Variants in RIMS1 observed in about 807,000 individuals in gnomAD.
The protein encoded by RIMS1 is regulating synaptic membrane exocytosis protein 1.
In RIMS1, 83 loss-of-function variants were observed where a neutral mutation model predicts 214.1. The observed-to-expected ratio is 0.39, with a 90% CI of 0.32 to 0.47. The LOEUF (loss-of-function observed/expected upper bound fraction) is 0.47, where lower values mean the gene tolerates loss of function less well. Among genes scored for constraint, RIMS1 ranks in the 20% least tolerant of loss-of-function variants. The pLI is 0.99. For synonymous variants in RIMS1, 793 were observed against 786.8 expected, an observed-to-expected ratio of 1.01 and a Z score of -0.13; for missense variants, 2,050 against 2,161.8, an observed-to-expected ratio of 0.95 and a Z score of 1.03.
chr6:72,320,355 T>C (rs1244658223), intron 28 of RIMS1, among the ~76,000 whole-genome samples: 2 of 152,128 alleles, frequency 1.3e-5, no homozygotes, highest in Non-Finnish European at 2.9e-5. Context: ...CTAGTATTTG[T>C]TTAGTACAAC....
At chr6:71,914,514 T>A (rs553221213) in intron 1 of RIMS1, among the ~76,000 whole-genome samples, 1 of 152,302 alleles carries the variant, frequency 6.6e-6, no homozygotes, top group African/African-American at 2.4e-5. Flanking sequence ...AATATCTAAT[T>A]TTAATGATAA....
At chr6:72,023,100 T>G (rs1407332918) in intron 2 of RIMS1, among the ~76,000 whole-genome samples, 1 of 152,156 alleles carries the variant, frequency 6.6e-6, no homozygotes, top group African/African-American at 2.4e-5. Flanking sequence ...TTATTTTGCT[T>G]TCTACAGAGA....
intron 26 of RIMS1, among the ~76,000 whole-genome samples, chr6:72,302,543 A>G (rs950763364): frequency 1.3e-5 from 2 of 151,278 alleles, no homozygotes; most frequent in Non-Finnish European, 3.0e-5. Flanking sequence ...GAGGTGTGTC[A>G]TTTATATTCT....
At chr6:72,005,411 G>A (rs1807114768) in intron 2 of RIMS1, among the ~76,000 whole-genome samples, 1 of 152,180 alleles carries the variant, frequency 6.6e-6, no homozygotes, top group Non-Finnish European at 1.5e-5. Context: ...TGTGAAGAAA[G>A]TCATTGGTAG....
intron 29 of RIMS1, among the ~76,000 whole-genome samples, chr6:72,335,892 C>T (rs993172793): frequency 1.3e-5 from 2 of 151,750 alleles, no homozygotes; most frequent in Non-Finnish European, 2.9e-5. Flanking sequence ...AGTGTTTGTT[C>T]ATATTCTTTG....
chr6:71,915,915 G>A (rs916951908), intron 1 of RIMS1, among the ~76,000 whole-genome samples: 1 of 151,904 alleles, frequency 6.6e-6, no homozygotes, highest in East Asian at 1.9e-4. Flanking sequence ...GTGTGTGCAG[G>A]GGAACTCTCC....
intron 4 of RIMS1, among the ~76,000 whole-genome samples, chr6:72,104,961 GTCTC>G (rs1410960508): frequency 1.3e-5 from 2 of 152,088 alleles, no homozygotes; most frequent in African/African-American, 2.4e-5. Flanking sequence ...TTGAGACAGA[GTCTC>G]TATCACACAG....
At chr6:72,242,933 A>G (rs2067599986) in intron 10 of RIMS1, among the ~76,000 whole-genome samples, 1 of 151,826 alleles carries the variant, frequency 6.6e-6, no homozygotes, top group African/African-American at 2.4e-5. Context: ...AAGAAGTATT[A>G]AATATTTTAA....
At chr6:71,944,998 G>A (rs1787348822) in intron 1 of RIMS1, among the ~76,000 whole-genome samples, 1 of 152,136 alleles carries the variant, frequency 6.6e-6, no homozygotes, top group African/African-American at 2.4e-5. Flanking sequence ...TAACATCTAT[G>A]TTTTCCTGAG....
chr6:72,099,087 G>A (rs535326815), intron 3 of RIMS1, among the ~76,000 whole-genome samples: 3 of 152,332 alleles, frequency 2.0e-5, no homozygotes, highest in African/African-American at 7.2e-5. Context: ...ACAATGAGGC[G>A]CAGATCAGCT....
At chr6:72,296,143 A>G (rs1052034767) in intron 26 of RIMS1, among the ~76,000 whole-genome samples, 1 of 151,822 alleles carries the variant, frequency 6.6e-6, no homozygotes, top group Non-Finnish European at 1.5e-5. Context: ...TGTTCACATC[A>G]AAGAAGAGAA....
At chr6:72,377,182 A>T (rs2098405128) in intron 29 of RIMS1, among the ~76,000 whole-genome samples, 1 of 152,120 alleles carries the variant, frequency 6.6e-6, no homozygotes, top group Non-Finnish European at 1.5e-5. Context: ...CTCCTGCTGA[A>T]ACCTGTCACC....
chr6:72,227,414 AG>A (rs2060516570), intron 6 of RIMS1, among the ~76,000 whole-genome samples: 2 of 56,064 alleles, frequency 3.6e-5, no homozygotes, highest in Admixed American at 4.7e-4. Context: ...CAGAAGAAAG[AG>A]GGGTTCTATG....
chr6:72,192,275 G>C (rs575421971), intron 6 of RIMS1, among the ~76,000 whole-genome samples: 1 of 152,286 alleles, frequency 6.6e-6, no homozygotes, highest in African/African-American at 2.4e-5. Context: ...GCCAGTGTCT[G>C]GTAGTTCCTG....
chr6:72,258,439 T>C (rs1329402950), intron 17 of RIMS1, among the ~76,000 whole-genome samples, 158 bp downstream of exon 17: 1 of 152,186 alleles, frequency 6.6e-6, no homozygotes, highest in African/African-American at 2.4e-5. Context: ...TTATCCAACC[T>C]ATGTGGCAGT....
chr6:72,388,494 A>G (rs1454213045), intron 29 of RIMS1, among the ~76,000 whole-genome samples: 1 of 152,218 alleles, frequency 6.6e-6, no homozygotes. Flanking sequence ...TAAGATCTTG[A>G]GCAGGGGAAT....
intron 1 of RIMS1, among the ~76,000 whole-genome samples, chr6:71,963,380 A>C (rs1380625084): frequency 6.6e-6 from 1 of 152,190 alleles, no homozygotes; most frequent in Non-Finnish European, 1.5e-5. Flanking sequence ...TGGTAAGAAG[A>C]ATACGTGAGA....
Position 72,155,531 on chromosome 6 carries a change from C to A in RIMS1, c.472-24044C>A, listed in dbSNP as rs534731562. On this transcript the variant is annotated intron_variant, in intron 4 of 33. Coordinates refer to ENST00000521978, the MANE Select transcript of RIMS1 (RefSeq NM_014989.7). Reference sequence around the variant, plus strand: ...TGATAAAAACATACCCAAGACTGGGCAATTTACAAAAGAAGGAGGTTTAAT... The same window carrying A: ...TGATAAAAACATACCCAAGACTGGGAAATTTACAAAAGAAGGAGGTTTAAT... 1.1e-4 allele frequency among the ~76,000 whole-genome samples: 16 copies of A among 141,010 alleles called. 3 individuals are homozygous for A. In the South Asian group the frequency reaches 3.7e-3, roughly 33 times the overall value. The allele number at this position is 141,010 out of a possible 152,430, so 92.5% of individuals were successfully genotyped here.
chr6:72,333,047 T>C (rs1412132156), intron 28 of RIMS1, among the ~76,000 whole-genome samples: 1 of 151,792 alleles, frequency 6.6e-6, no homozygotes, highest in East Asian at 1.9e-4. Context: ...CAAAAGCATT[T>C]TGTTGTTGTT....
Sources: gnomAD v4.1 joint callset for allele counts (sites outside exome capture counted in the v4.1 genomes callset) on GRCh38, gnomAD v4.1.1 for gene constraint, MANE v1.5 for transcripts, NCBI Gene and HGNC (gene_info 2026-07-23, HGNC 2026-07-21) for gene names.